Variants in MAGI2 observed in about 807,000 individuals in gnomAD.
MAGI2 encodes membrane-associated guanylate kinase, WW and PDZ domain-containing protein 2.
A neutral mutation model predicts 133.3 loss-of-function variants in MAGI2; 35 were observed. The ratio of observed to expected loss-of-function variants is 0.26; its 90% confidence interval spans 0.20 to 0.35. The LOEUF (loss-of-function observed/expected upper bound fraction) is 0.35, where lower values mean the gene tolerates loss of function less well. Ranked by LOEUF, MAGI2 falls within the 10% of genes least tolerant of loss-of-function variation. MAGI2 has a pLI of 1.00. For missense variants in MAGI2, 1,636 were observed against 1,863.4 expected (o/e 0.88, Z 2.25); for synonymous variants, 729 against 710.6 (o/e 1.03, Z -0.41).
intron 9 of MAGI2, among the ~76,000 whole-genome samples, chr7:78,337,044 A>C (rs192792810): frequency 6.6e-6 from 1 of 152,198 alleles, no homozygotes; most frequent in African/African-American, 2.4e-5. Flanking sequence ...GAAAAACACA[A>C]AACATCATGT....
Position 78,634,854 on chromosome 7 carries a change from G to A in MAGI2, c.419-7615C>T, listed in dbSNP as rs117536313. ...TTTATTGCTCTTCTGTTTTGGTTGGGACTTTCCTAAGTGGTGTATAGGAAA... is the reference window on the plus strand; with the variant it reads ...TTTATTGCTCTTCTGTTTTGGTTGGAACTTTCCTAAGTGGTGTATAGGAAA... On this transcript the variant is annotated intron_variant, in intron 2 of 21. Coordinates refer to ENST00000354212, the MANE Select transcript of MAGI2 (RefSeq NM_012301.4). 6.0e-3 allele frequency among the ~76,000 whole-genome samples: 911 copies of A among 152,080 alleles called. 4 individuals are homozygous for A. The highest frequency in any genetic ancestry group is 0.011 in the Non-Finnish European group (731 of 67,970).
chr7:78,756,334 A>G (rs1823943992), intron 2 of MAGI2, among the ~76,000 whole-genome samples: 1 of 152,236 alleles, frequency 6.6e-6, no homozygotes, highest in Non-Finnish European at 1.5e-5. Context: ...AGTAAACTCA[A>G]GCATCAGTCT....
At chr7:78,974,517 AAC>A (rs766595428) in intron 2 of MAGI2, among the ~76,000 whole-genome samples, 44 of 151,964 alleles carry the variant, frequency 2.9e-4, no homozygotes, top group Admixed American at 1.2e-3. Context: ...ATAATTGTGA[AAC>A]AGTTATAAAT....
intron 10 of MAGI2, among the ~76,000 whole-genome samples, chr7:78,249,796 G>C (rs530344379): frequency 6.6e-6 from 1 of 152,118 alleles, no homozygotes; most frequent in Non-Finnish European, 1.5e-5. Context: ...TGCACATTAG[G>C]TTGACTATAG....
At chr7:79,315,547 T>C (rs1838655680) in intron 1 of MAGI2, among the ~76,000 whole-genome samples, 1 of 151,948 alleles carries the variant, frequency 6.6e-6, no homozygotes, top group Non-Finnish European at 1.5e-5. Flanking sequence ...TTAGATAATT[T>C]GGTGGGTAAA....
chr7:78,411,213 T>G (rs1375495020), intron 6 of MAGI2, among the ~76,000 whole-genome samples: 1 of 152,008 alleles, frequency 6.6e-6, no homozygotes, highest in Non-Finnish European at 1.5e-5. Context: ...TGAGTGATAT[T>G]ATCTAGAATT....
intron 2 of MAGI2, among the ~76,000 whole-genome samples, chr7:78,845,242 C>A (rs1183905304): frequency 1.3e-5 from 2 of 151,888 alleles, no homozygotes; most frequent in South Asian, 4.1e-4. Flanking sequence ...AGTATGAAAG[C>A]AATAGTGCAA....
chr7:78,427,607 C>T (rs1456323456), intron 6 of MAGI2, among the ~76,000 whole-genome samples: 1 of 138,046 alleles, frequency 7.2e-6, no homozygotes, highest in Non-Finnish European at 1.5e-5. Flanking sequence ...AATGTATAAT[C>T]ATAGTGAAAG....
Position 78,018,758 on chromosome 7 carries a change from ACATGT to A in MAGI2, c.*552_*556del, listed in dbSNP as rs760943431. On this transcript the variant is annotated 3_prime_UTR_variant, in exon 22 of 22. Transcript: ENST00000354212. ...TGGATGCCAAGGGTGAGCCATGGAA[ACATGT>A]CATGGGTGAACGGTTCCGAATGTGT... The A allele has an allele frequency of 5.6e-5, 9 of 159,954 alleles. No individual in the cohort carries two copies. The South Asian group carries it at 6.1e-4, about 11-fold the overall frequency. The allele number at this position is 159,954 out of a possible 1,614,324, so 9.9% of individuals were successfully genotyped here.
chr7:78,886,828 G>A (rs1288011626), intron 2 of MAGI2, among the ~76,000 whole-genome samples: 1 of 152,108 alleles, frequency 6.6e-6, no homozygotes, highest in African/African-American at 2.4e-5. Context: ...ATGGTGATAT[G>A]GTTTGGCTGT....
chr7:79,284,423 G>T (rs1336548424), intron 1 of MAGI2, among the ~76,000 whole-genome samples: 1 of 151,982 alleles, frequency 6.6e-6, no homozygotes, highest in Non-Finnish European at 1.5e-5. Context: ...GGTCTGGCAT[G>T]GTCCTGGGCA....
At chr7:78,719,155 T>C (rs1259216909) in intron 2 of MAGI2, among the ~76,000 whole-genome samples, 1 of 152,166 alleles carries the variant, frequency 6.6e-6, no homozygotes, top group Admixed American at 6.5e-5. Context: ...CTATACCTTC[T>C]ATGTGAACCA....
intron 2 of MAGI2, among the ~76,000 whole-genome samples, chr7:78,993,476 A>G (rs567181533): frequency 2.0e-5 from 3 of 152,170 alleles, no homozygotes; most frequent in East Asian, 3.9e-4. Flanking sequence ...TACAGACACA[A>G]TGTTTTTGCA....
At chr7:78,742,202 T>A (rs1465777858) in intron 2 of MAGI2, among the ~76,000 whole-genome samples, 1 of 152,134 alleles carries the variant, frequency 6.6e-6, no homozygotes, top group Non-Finnish European at 1.5e-5. Flanking sequence ...TTTCCAAGGT[T>A]ACCCAGACAA....
chr7:78,980,325 AG>A (rs1378679276), intron 2 of MAGI2, among the ~76,000 whole-genome samples: 4 of 151,932 alleles, frequency 2.6e-5, no homozygotes, highest in Non-Finnish European at 4.4e-5. Flanking sequence ...AGAGTTAACA[AG>A]GCAAACTGCA....
Position 79,418,373 on chromosome 7 carries a change from T to G in MAGI2, c.301+34647A>C, listed in dbSNP as rs4730813. The stretch of plus-strand genomic sequence containing the variant: ...GAGACAAACTAATAATGTTGGTAGC[T>G]CACTGAGCAGTTCAACGGGGATAAC... On this transcript the variant is annotated intron_variant, in intron 1 of 21. Transcript: ENST00000354212. Among the ~76,000 whole-genome samples the G allele has an allele frequency of 2.2e-3, 334 of 152,202 alleles. 9 individuals are homozygous for G. In the East Asian group the frequency reaches 0.049, roughly 22 times the overall value.
At chr7:79,342,253 C>T (rs376658210) in intron 1 of MAGI2, among the ~76,000 whole-genome samples, 2 of 152,214 alleles carry the variant, frequency 1.3e-5, no homozygotes, top group African/African-American at 2.4e-5. Context: ...CATCAGAAAG[C>T]GAAGGGCCTA....
intron 2 of MAGI2, among the ~76,000 whole-genome samples, chr7:78,929,663 T>C (rs1799963965): frequency 6.6e-6 from 1 of 152,060 alleles, no homozygotes; most frequent in South Asian, 2.1e-4. Flanking sequence ...TATGGTTCCT[T>C]CTGGGTCCCT....
intron 1 of MAGI2, among the ~76,000 whole-genome samples, chr7:79,209,391 G>T (rs1383387175): frequency 1.3e-5 from 2 of 151,958 alleles, no homozygotes; most frequent in African/African-American, 2.4e-5. Context: ...AATATATATT[G>T]TGAAACATCT....
Sources: gnomAD v4.1 joint callset for allele counts (sites outside exome capture counted in the v4.1 genomes callset) on GRCh38, gnomAD v4.1.1 for gene constraint, MANE v1.5 for transcripts, NCBI Gene and HGNC (gene_info 2026-07-23, HGNC 2026-07-21) for gene names.